Variants in NAV3 observed in about 807,000 individuals in gnomAD.
NAV3 encodes the protein neuron navigator 3.
NAV3 carries 87 observed loss-of-function variants against 244.7 expected under a neutral mutation model. The observed-to-expected ratio is 0.36, with a 90% CI of 0.30 to 0.42. The LOEUF is 0.42. NAV3 is among the 20% of genes least tolerant of loss of function. The pLI is 1.00. For synonymous variants in NAV3, 1,126 were observed against 1,042.2 expected (o/e 1.08, Z -1.55); for missense variants, 2,663 against 2,893.3 (o/e 0.92, Z 1.83).
chr12:77,628,253 C>T (rs564834896), intron 2 of NAV3, among the ~76,000 whole-genome samples: 3 of 152,258 alleles, frequency 2.0e-5, no homozygotes, highest in East Asian at 3.9e-4. Context: ...TAAAATATCA[C>T]ATGTACTCCA....
intron 1 of NAV3, among the ~76,000 whole-genome samples, chr12:77,895,221 T>C (rs560371190): frequency 5.3e-5 from 8 of 152,016 alleles, no homozygotes; most frequent in African/African-American, 1.9e-4. Context: ...ATGAATAGAG[T>C]AATCAACAAA....
At chr12:77,738,655 C>G (rs148038437) in intron 2 of NAV3, among the ~76,000 whole-genome samples, 151 of 152,254 alleles carry the variant, frequency 9.9e-4, no homozygotes, top group African/African-American at 3.5e-3. Flanking sequence ...ATATGGAAAT[C>G]ATACTTCAAT....
intron 12 of NAV3, among the ~76,000 whole-genome samples, chr12:78,116,001 G>A (rs1442292845): frequency 1.3e-5 from 2 of 152,122 alleles, no homozygotes; most frequent in African/African-American, 4.8e-5. Context: ...TATTTCAAAT[G>A]GATTTTCTTA....
chr12:77,659,061 T>C (rs1444200797), intron 2 of NAV3, among the ~76,000 whole-genome samples: 1 of 151,920 alleles, frequency 6.6e-6, no homozygotes. Context: ...AAGGACTTCA[T>C]GTCGAAAACA....
chr12:78,067,322 T>C (rs1328447159), intron 12 of NAV3, among the ~76,000 whole-genome samples: 3 of 152,024 alleles, frequency 2.0e-5, no homozygotes, highest in African/African-American at 7.2e-5. Context: ...GTAAATATAA[T>C]TACTTCATTT....
At chr12:78,166,288 T>C (rs1206133531) in intron 23 of NAV3, among the ~76,000 whole-genome samples, 3 of 151,722 alleles carry the variant, frequency 2.0e-5, no homozygotes, top group Non-Finnish European at 2.9e-5. Context: ...AAGAGATGGG[T>C]GTGGCTTGAG....
At chr12:77,912,821 A>C (rs947499294) in intron 1 of NAV3, among the ~76,000 whole-genome samples, 5 of 152,106 alleles carry the variant, frequency 3.3e-5, no homozygotes, top group African/African-American at 1.2e-4. Flanking sequence ...CATATTGCTC[A>C]GGCTGGTCTC....
At chr12:77,591,905 T>C (rs2136721805) in intron 2 of NAV3, among the ~76,000 whole-genome samples, 1 of 152,344 alleles carries the variant, frequency 6.6e-6, no homozygotes, top group South Asian at 2.1e-4. Context: ...AAATTAAATG[T>C]TACAAATTTC....
rs144276056 is a variant in NAV3 at position 77,778,822 on chromosome 12, A to T, written c.73-161497A>T. On this transcript the variant is annotated intron_variant, in intron 2 of 8. Transcript: ENST00000550042. The stretch of plus-strand genomic sequence containing the variant: ...TATTCTCTTTGGTAAAAGGCAGAAT[A>T]TTTATGCAATTTGAAAAATCAGAGG... 2.3e-3 allele frequency among the ~76,000 whole-genome samples: 347 copies of T among 152,278 alleles called. 2 individuals are homozygous for T. Among genetic ancestry groups the T allele is most frequent in the African/African-American group, 8.0e-3 (333 of 41,562 alleles).
At chr12:77,667,137 T>C (rs1464152196) in intron 2 of NAV3, among the ~76,000 whole-genome samples, 2 of 152,084 alleles carry the variant, frequency 1.3e-5, no homozygotes, top group Non-Finnish European at 2.9e-5. Flanking sequence ...AGATGGCGAG[T>C]AGGAGGCAGG....
intron 6 of NAV3, among the ~76,000 whole-genome samples, chr12:77,995,912 C>CCCTCTCTCTCTCTCCTCTCTG (rs1242527615): frequency 6.6e-6 from 1 of 151,956 alleles, no homozygotes; most frequent in Admixed American, 6.6e-5. Flanking sequence ...AGATCTCTCT[C>CCCTCTCTCTCTCTCCTCTCTG]CCTCTCTCTC....
At chr12:78,160,181 A>G (rs1047298137) in intron 23 of NAV3, among the ~76,000 whole-genome samples, 1 of 152,188 alleles carries the variant, frequency 6.6e-6, no homozygotes, top group Non-Finnish European at 1.5e-5. Flanking sequence ...TTATGGTATG[A>G]AAGAAGGTAT....
intron 12 of NAV3, among the ~76,000 whole-genome samples, chr12:78,080,640 T>C (rs1446363826): frequency 6.6e-6 from 1 of 152,206 alleles, no homozygotes; most frequent in Admixed American, 6.5e-5. Flanking sequence ...TAATTCTCAA[T>C]CTGCTGCTGC....
At position 78,059,111 on chromosome 12, in the gene NAV3, G is replaced by A. The variant is rs1883936304; in HGVS notation, c.2632G>A (p.Asp878Asn). 1 of 1,610,552 alleles carries A rather than the reference G, an allele frequency of 6.2e-7. No individual in the cohort carries two copies. Among genetic ancestry groups the A allele is most frequent in the Non-Finnish European group, 8.5e-7 (1 of 1,178,516 alleles). The change falls in exon 12 of 40, where the codon GAC becomes AAC. Residue 878 changes from aspartate (D) to asparagine (N), a missense_variant. Around this residue, in one of 6 missense-constraint regions of NAV3, gnomAD observed 1,521 missense variants for 1,497.0 expected, o/e 1.02. Coordinates refer to ENST00000397909, the MANE Select transcript of NAV3 (RefSeq NM_001024383.2). ...RGVHDVTVDA[D>N]SWDDSSSVSS... The stretch of plus-strand genomic sequence containing the variant: ...GGTTCACGATGTGACAGTGGATGCA[G>A]ACAGGTAATGCTATCAGCATATATG...
At chr12:78,036,983 A>C (rs1211806951) in intron 9 of NAV3, 1 of 702,780 alleles carries the variant, frequency 1.4e-6, no homozygotes, top group Non-Finnish European at 2.6e-6. Flanking sequence ...GGGAGAGGAG[A>C]CCCACGGTGC....
rs2138605016 is a variant in NAV3, at chr12:78,119,350, C to T, written c.3154C>T (p.Pro1052Ser). The change falls in exon 15 of 40, where the codon CCC (proline) becomes TCC (serine). Residue 1052 changes from proline to serine, a missense_variant. Physicochemically the swap from Pro to Ser is moderately conservative, Grantham distance 74. Around this residue, in one of 6 missense-constraint regions of NAV3, gnomAD observed 1,521 missense variants for 1,497.0 expected, o/e 1.02. Coordinates refer to ENST00000397909, the MANE Select transcript of NAV3 (RefSeq NM_001024383.2). ...AAGCAGTGGAGATGAAGGGAAAAAG[C>T]CCCCCTCAGGCATTGGAAGATCGAC... Reference protein sequence around the residue: ...GKSSGDEGKKPPSGIGRSTAT... With the variant: ...GKSSGDEGKKSPSGIGRSTAT... 1 of 1,614,100 alleles carries T rather than the reference C, an allele frequency of 6.2e-7. No homozygotes were observed. Among genetic ancestry groups the T allele is most frequent in the Non-Finnish European group, 8.5e-7 (1 of 1,180,016 alleles).
chr12:78,125,666 A>G (rs763794505), intron 16 of NAV3, among the ~76,000 whole-genome samples: 2 of 152,210 alleles, frequency 1.3e-5, no homozygotes, highest in Non-Finnish European at 2.9e-5. Flanking sequence ...ATTCGTTTTC[A>G]TGCCCTATCT....
At chr12:77,704,918 A>G (rs934340576) in intron 2 of NAV3, among the ~76,000 whole-genome samples, 1 of 152,200 alleles carries the variant, frequency 6.6e-6, no homozygotes, top group African/African-American at 2.4e-5. Flanking sequence ...TTTCAAATCT[A>G]GTTTATAGTT....
At chr12:77,674,214 G>A (rs1431196399) in intron 2 of NAV3, among the ~76,000 whole-genome samples, 1 of 152,034 alleles carries the variant, frequency 6.6e-6, no homozygotes, top group East Asian at 1.9e-4. Context: ...TGTGGTTTGG[G>A]TCATCTTAAC....
Sources: gnomAD v4.1 joint callset for allele counts (sites outside exome capture counted in the v4.1 genomes callset) on GRCh38, gnomAD v4.1.1 for gene constraint, gnomAD v4.1.1 regional missense constraint, MANE v1.5 for transcripts, NCBI Gene and HGNC (gene_info 2026-07-23, HGNC 2026-07-21) for gene names.